Variants in TLE3 observed in about 807,000 individuals in gnomAD.
TLE3 encodes transducin-like enhancer protein 3.
A neutral mutation model predicts 93.0 loss-of-function variants in TLE3; 14 were observed. The ratio of observed to expected loss-of-function variants is 0.15; its 90% CI spans 0.10 to 0.24. The LOEUF is 0.24. Ranked by LOEUF, TLE3 falls within the 10% of genes least tolerant of loss-of-function variation. The probability of loss-of-function intolerance (pLI) is 1.00; values close to 1 mark genes in which losing one functional copy is unlikely to be tolerated. For synonymous variants in TLE3, 451 were observed against 425.0 expected (o/e 1.06, Z -0.75); for missense variants, 693 against 1,046.6 (o/e 0.66, Z 4.66).
At chr15:70,053,498 G>A (rs1372805729) in intron 16 of TLE3, 124 bp from the exon 17 acceptor site, 2 of 1,150,820 alleles carry the variant, frequency 1.7e-6, no homozygotes, top group Non-Finnish European at 2.4e-6. Flanking sequence ...CTATGCGCAT[G>A]GTCCCTTAGC....
chr15:70,054,745 G>A, intron 15 of TLE3, 60 bp from the exon 16 acceptor site: 1 of 1,489,958 alleles, frequency 6.7e-7, no homozygotes, highest in Non-Finnish European at 8.9e-7. Context: ...CACCAGGAGA[G>A]TCCTGTCCAG....
chr15:70,049,995 C>T lies in TLE3; in HGVS notation c.*102G>A, dbSNP rs1172203752. The stretch of plus-strand genomic sequence containing the variant: ...GCAGCCCTGAACGCTCGGCTGCCTG[C>T]GGCCCATCCTCCGCCATCCTCGGGG... On this transcript the variant is annotated 3_prime_UTR_variant, in exon 20 of 20. Transcript: ENST00000451782. 1.7e-5 allele frequency: 16 copies of T among 944,656 alleles called. No individual in the cohort carries two copies. Among genetic ancestry groups the T allele is most frequent in the Admixed American group, 3.7e-5 (2 of 53,902 alleles). The allele number at this position is 944,656 out of a possible 1,614,324, so 58.5% of individuals were successfully genotyped here.
chr15:70,063,465 A>G (rs2056623832), intron 8 of TLE3, among the ~76,000 whole-genome samples: 1 of 152,094 alleles, frequency 6.6e-6, no homozygotes, highest in African/African-American at 2.4e-5. Flanking sequence ...TGCTAATGGG[A>G]GGTTTAAAAA....
rs748347931 is a variant in TLE3, at chr15:70,054,511, C to T, written c.1753G>A (p.Ala585Thr). ...CTGCAGCAGGAGAAGCAGACTTTGG[C>T]GTCAGGGCTAATGGCCAGGGCATAA... Reference protein sequence around the residue: ...ACYALAISPDAKVCFSCCSDG... With the variant: ...ACYALAISPDTKVCFSCCSDG... The change falls in exon 16 of 20, where the codon GCC becomes ACC. Residue 585 changes from alanine to threonine, a missense_variant. Physicochemically the swap from Ala to Thr is moderately conservative, Grantham distance 58 (BLOSUM62 0). Coordinates refer to ENST00000451782, the MANE Select transcript of TLE3 (RefSeq NM_001105192.3). The T allele has an allele frequency of 8.7e-6, 14 of 1,614,044 alleles. No homozygotes were observed. Among genetic ancestry groups the T allele is most frequent in the African/African-American group, 1.3e-5 (1 of 75,044 alleles).
intron 6 of TLE3, chr15:70,066,490 A>C: frequency 2.6e-5 from 10 of 382,868 alleles, no homozygotes; most frequent in East Asian, 8.2e-5. Context: ...TAATTTCTCA[A>C]TGTTTGTTTC....
chr15:70,071,192 C>T lies in TLE3; in HGVS notation c.372+3341G>A, dbSNP rs527799805. Among the ~76,000 whole-genome samples the T allele has an allele frequency of 3.9e-5, 6 of 152,292 alleles. No homozygotes were observed. The East Asian group carries it at 7.7e-4, about 20-fold the overall frequency. On this transcript the variant is annotated intron_variant, in intron 6 of 19. Coordinates refer to ENST00000451782, the MANE Select transcript of TLE3 (RefSeq NM_001105192.3). Reference sequence around the variant, plus strand: ...TGACCAAGTGTCAAATTTCCCTCCTCGTGCTCAGGAATCTTGTCCTTCTAA... The same window carrying T: ...TGACCAAGTGTCAAATTTCCCTCCTTGTGCTCAGGAATCTTGTCCTTCTAA...
chr15:70,057,694 G>A (rs1385829400), intron 12 of TLE3, 36 bp from the exon 13 acceptor site: 1 of 1,541,854 alleles, frequency 6.5e-7, no homozygotes, highest in Non-Finnish European at 8.7e-7. Flanking sequence ...TGGGCCTTAG[G>A]TGGATTGGGA....
At chr15:70,062,572 T>G (rs1245365551) in intron 8 of TLE3, among the ~76,000 whole-genome samples, 1 of 152,208 alleles carries the variant, frequency 6.6e-6, no homozygotes. Context: ...ACTAAGTATT[T>G]TTTATTGCTT....
At chr15:70,081,065 C>T (rs1339019823) in intron 4 of TLE3, among the ~76,000 whole-genome samples, 1 of 152,162 alleles carries the variant, frequency 6.6e-6, no homozygotes, top group Non-Finnish European at 1.5e-5. Context: ...GAAAACTGCC[C>T]CTTCAAAGAG....
chr15:70,056,026 T>C, intron 14 of TLE3: 1 of 541,562 alleles, frequency 1.8e-6, no homozygotes, highest in East Asian at 3.2e-5. Context: ...GGAGTGTTCC[T>C]TCTCTCCCAG....
intron 4 of TLE3, among the ~76,000 whole-genome samples, chr15:70,089,982 G>A (rs992862817): frequency 2.0e-5 from 3 of 152,208 alleles, no homozygotes; most frequent in African/African-American, 7.2e-5. Flanking sequence ...GATCTGTAAA[G>A]TAAGGACAAG....
At chr15:70,059,588 T>C (rs1027857697) in intron 9 of TLE3, 128 bp from the exon 10 acceptor site, 2 of 824,854 alleles carry the variant, frequency 2.4e-6, no homozygotes, top group Non-Finnish European at 1.9e-6. Context: ...AAGTCCATGC[T>C]TTCTACTCCA....
chr15:70,084,984 C>T (rs559141695), intron 4 of TLE3, among the ~76,000 whole-genome samples: 6 of 152,304 alleles, frequency 3.9e-5, no homozygotes, highest in East Asian at 1.9e-4. Flanking sequence ...ACCAGCCACC[C>T]GTGGCTAGCT....
chr15:70,091,269 T>C (rs187233111), intron 4 of TLE3, among the ~76,000 whole-genome samples: 1 of 152,384 alleles, frequency 6.6e-6, no homozygotes, highest in Admixed American at 6.5e-5. Flanking sequence ...TCAAGTCCAC[T>C]TTCAAAAATG....
Position 70,097,435 on chromosome 15 carries a change from T to A in TLE3, c.-637A>T, listed in dbSNP as rs2058614702. On this transcript the variant is annotated 5_prime_UTR_variant, in exon 1 of 20. Coordinates refer to ENST00000451782, the MANE Select transcript of TLE3 (RefSeq NM_001105192.3). ...CCCCTCGGAGAGGAGAGCCTGCTGT[T>A]CCGTCTGCTACTGCCGCTGCCGCCG... 5 of 417,672 alleles carry A rather than the reference T, an allele frequency of 1.2e-5. No individual in the cohort carries two copies. Among genetic ancestry groups the A allele is most frequent in the Non-Finnish European group, 2.1e-5 (5 of 238,414 alleles). 25.9% of individuals were successfully genotyped at this position (417,672 alleles called of 1,614,324 possible). A position where few individuals can be genotyped will look rare whatever the true frequency, so the allele number is the denominator to read the frequency against.
At chr15:70,059,913 T>C (rs1380659820) in intron 9 of TLE3, among the ~76,000 whole-genome samples, 1 of 152,194 alleles carries the variant, frequency 6.6e-6, no homozygotes, top group African/African-American at 2.4e-5. Context: ...TGAGTGTCCT[T>C]TGGGTGCTCA....
At chr15:70,080,149 A>G (rs1420418579) in intron 4 of TLE3, among the ~76,000 whole-genome samples, 1 of 151,542 alleles carries the variant, frequency 6.6e-6, no homozygotes, top group East Asian at 1.9e-4. Context: ...ATGTTGGAAA[A>G]CTCCTTTTGG....
chr15:70,065,513 G>A (rs1567010334), intron 7 of TLE3, among the ~76,000 whole-genome samples: 1 of 152,228 alleles, frequency 6.6e-6, no homozygotes, highest in Non-Finnish European at 1.5e-5. Context: ...CTGCATTGGT[G>A]AGACATAGAT....
intron 13 of TLE3, 89 bp from the exon 14 acceptor site, chr15:70,056,463 C>A (rs2056042891): frequency 3.5e-6 from 4 of 1,141,274 alleles, no homozygotes; most frequent in Non-Finnish European, 2.6e-6. Context: ...GGGGTCCTAC[C>A]TGCACGGCTC....
Sources: gnomAD v4.1 joint callset for allele counts (sites outside exome capture counted in the v4.1 genomes callset) on GRCh38, gnomAD v4.1.1 for gene constraint, MANE v1.5 for transcripts, NCBI Gene and HGNC (gene_info 2026-07-23, HGNC 2026-07-21) for gene names.